The following TTC3 variants were observed in gnomAD, a reference collection of about 807,000 sequenced individuals.
TTC3 encodes E3 ubiquitin-protein ligase TTC3.
Under a neutral mutation model 249.6 loss-of-function variants are expected in TTC3, and 180 were observed. The ratio of observed to expected loss-of-function variants is 0.72; its 90% CI spans 0.64 to 0.82. TTC3 has a LOEUF of 0.82. TTC3 is among the 40% of genes least tolerant of loss of function. The pLI is 0.00. For missense variants in TTC3, 2,061 were observed against 2,398.4 expected (o/e 0.86, Z 2.94); for synonymous variants, 717 against 805.0 (o/e 0.89, Z 1.85).
intron 39 of TTC3, among the ~76,000 whole-genome samples, chr21:37,190,656 G>A (rs528798617): frequency 4.5e-4 from 69 of 152,164 alleles, no homozygotes; most frequent in African/African-American, 1.6e-3. Context: ...TCCAATAAAC[G>A]GTAGAGTATA....
chr21:37,088,048 T>G, intron 3 of TTC3, 148 bp from the exon 4 acceptor site: 3 of 953,336 alleles, frequency 3.1e-6, no homozygotes, highest in South Asian at 3.9e-5. Context: ...TGCCAGCACT[T>G]AAATATTCTT....
At chr21:37,147,407 G>A (rs924120033) in intron 21 of TTC3, 74 bp from the exon 22 acceptor site, 2 of 1,370,206 alleles carry the variant, frequency 1.5e-6, no homozygotes, top group African/African-American at 1.5e-5. Context: ...ATGGCAAGAG[G>A]TTATTGAAAT....
chr21:37,152,763 C>T (rs1263991953), intron 26 of TTC3, among the ~76,000 whole-genome samples, 188 bp from the exon 27 acceptor site: 4 of 151,998 alleles, frequency 2.6e-5, no homozygotes, highest in Admixed American at 6.6e-5. Context: ...TTTATTTTAG[C>T]GTACACTTTC....
chr21:37,078,122 C>T (rs1315077230), intron 1 of TTC3, among the ~76,000 whole-genome samples: 1 of 152,032 alleles, frequency 6.6e-6, no homozygotes, highest in East Asian at 1.9e-4. Context: ...CAGTGGTCTG[C>T]TGTGCCATCT....
At chr21:37,162,991 C>T (rs552207893) in intron 31 of TTC3, among the ~76,000 whole-genome samples, 1 of 152,310 alleles carries the variant, frequency 6.6e-6, no homozygotes, top group Admixed American at 6.5e-5. Flanking sequence ...AATTACCTCC[C>T]AAAGAATCCA....
In TTC3 at chr21:37,139,542, G is replaced by A. The variant is rs79760493; in HGVS notation, c.1659+828G>A. Among the ~76,000 whole-genome samples the A allele has an allele frequency of 2.0e-5, 3 of 152,074 alleles. No individual in the cohort carries two copies. The East Asian group carries it at 5.8e-4, about 29-fold the overall frequency. On this transcript the variant is annotated intron_variant, in intron 19 of 45. Transcript: ENST00000355666. ...TTAACTCTAACTTGCCACCTAGTGAGGATCTAAGTAGTCTTTTACGTTCTG... is the reference window on the plus strand; with the variant it reads ...TTAACTCTAACTTGCCACCTAGTGAAGATCTAAGTAGTCTTTTACGTTCTG...
chr21:37,175,263 CAAAA>C (rs58424565), intron 35 of TTC3, among the ~76,000 whole-genome samples: 7 of 54,030 alleles, frequency 1.3e-4, no homozygotes, highest in Admixed American at 2.2e-4. Context: ...GACTGTGTCT[CAAAA>C]AAAAAAAAAA....
chr21:37,147,702 A>G lies in TTC3; in HGVS notation c.2016+99A>G, dbSNP rs2079098268. The G allele has an allele frequency of 5.1e-6, 7 of 1,367,536 alleles. No homozygotes were observed. Among genetic ancestry groups the G allele is most frequent in the Non-Finnish European group, 6.9e-6 (7 of 1,018,140 alleles). The allele number at this position is 1,367,536 out of a possible 1,614,324, so 84.7% of individuals were successfully genotyped here. ...TTGGAGGCACCCAAGTTCTCTGGCT[A>G]GTTAGCAGTCGTCCACCCCTTTCCC... On this transcript the variant is annotated intron_variant, in intron 22 of 45. Coordinates refer to ENST00000355666, the Ensembl canonical transcript of TTC3.
chr21:37,104,745 T>G (rs1336732287), intron 10 of TTC3, among the ~76,000 whole-genome samples: 1 of 152,184 alleles, frequency 6.6e-6, no homozygotes, highest in Non-Finnish European at 1.5e-5. Context: ...GTTGTAGATG[T>G]GGGTGAGACT....
At chr21:37,117,056 T>TCCTTA (rs2076201264) in intron 11 of TTC3, among the ~76,000 whole-genome samples, 1 of 152,018 alleles carries the variant, frequency 6.6e-6, no homozygotes, top group Non-Finnish European at 1.5e-5. Context: ...AAATGAACTT[T>TCCTTA]ATATTATAAA....
At chr21:37,143,233 A>C (rs2078659834) in intron 20 of TTC3, among the ~76,000 whole-genome samples, 1 of 152,192 alleles carries the variant, frequency 6.6e-6, no homozygotes, top group South Asian at 2.1e-4. Flanking sequence ...AACAAAAGCC[A>C]AAATTGACAA....
intron 6 of TTC3, 181 bp downstream of exon 6, chr21:37,090,467 C>CTTT: frequency 3.8e-6 from 2 of 528,630 alleles, no homozygotes; most frequent in Non-Finnish European, 4.8e-6. Context: ...CATTTTCTCT[C>CTTT]TTTTTTTTTT....
intron 1 of TTC3, among the ~76,000 whole-genome samples, chr21:37,074,965 A>T (rs921600159): frequency 6.6e-6 from 1 of 152,096 alleles, no homozygotes; most frequent in African/African-American, 2.4e-5. Flanking sequence ...TTTACTTCAG[A>T]TACTCTTTTT....
At chr21:37,103,180 CTG>C (rs2074686778) in intron 10 of TTC3, among the ~76,000 whole-genome samples, 1 of 152,110 alleles carries the variant, frequency 6.6e-6, no homozygotes, top group African/African-American at 2.4e-5. Context: ...GAGGGAATAA[CTG>C]TTCTTTACAA....
exon 46 of TTC3, chr21:37,201,738 ACT>A (rs2085525589): frequency 1.1e-6 from 1 of 880,446 alleles, no homozygotes; most frequent in African/African-American, 1.7e-5. Flanking sequence ...TAATTTCCCC[ACT>A]CTGAGTGAAT....
intron 10 of TTC3, among the ~76,000 whole-genome samples, chr21:37,097,272 C>T (rs940818494): frequency 1.3e-5 from 2 of 151,864 alleles, no homozygotes; most frequent in Non-Finnish European, 2.9e-5. Flanking sequence ...TTTATTGTTC[C>T]CCAGTATAAA....
At chr21:37,187,184 C>T (rs2083397186) in intron 38 of TTC3, 39 bp downstream of exon 38, 1 of 1,451,546 alleles carries the variant, frequency 6.9e-7, no homozygotes, top group Admixed American at 2.3e-5. Flanking sequence ...TGGCATTTGT[C>T]ATTTGTTTTT....
chr21:37,083,131 G>T (rs1198472152), intron 1 of TTC3: 2 of 985,266 alleles, frequency 2.0e-6, no homozygotes, highest in South Asian at 4.7e-5. Context: ...CAACTTGATG[G>T]TAGTGGGAAG....
chr21:37,110,732 C>T (rs1283770117), intron 11 of TTC3, among the ~76,000 whole-genome samples: 2 of 152,086 alleles, frequency 1.3e-5, no homozygotes, highest in African/African-American at 2.4e-5. Context: ...TTGAGAAGAG[C>T]AACTCCAAGA....
Sources: gnomAD v4.1 joint callset for allele counts (sites outside exome capture counted in the v4.1 genomes callset) on GRCh38, gnomAD v4.1.1 for gene constraint, MANE v1.5 for transcripts, NCBI Gene and HGNC (gene_info 2026-07-23, HGNC 2026-07-21) for gene names.